The following MTMR10 variants were observed in gnomAD, a reference collection of about 807,000 sequenced individuals.
MTMR10 encodes myotubularin-related protein 10.
A neutral mutation model predicts 88.1 loss-of-function variants in MTMR10; 56 were observed. That is an observed-to-expected ratio of 0.64 (90% CI 0.51 to 0.79). The LOEUF is 0.79. Among genes scored for constraint, MTMR10 ranks in the 30% least tolerant of loss-of-function variants. The pLI is 0.00. For synonymous variants in MTMR10, 380 were observed against 340.9 expected (o/e 1.11, Z -1.26); for missense variants, 883 against 924.7 (o/e 0.95, Z 0.58).
the MTMR10 span, chr15:30,925,674 C>A: frequency 8.4e-7 from 1 of 1,190,506 alleles, no homozygotes; most frequent in South Asian, 1.4e-5. Flanking sequence ...GCTGTGTGCT[C>A]TACTAAGTGA....
chr15:30,965,610 GT>G (rs1181582664), intron 6 of MTMR10, among the ~76,000 whole-genome samples: 1 of 152,182 alleles, frequency 6.6e-6, no homozygotes, highest in Admixed American at 6.5e-5. Flanking sequence ...CATTGTTCTT[GT>G]TTGTGCTAGT....
chr15:30,976,760 T>A, intron 3 of MTMR10, 59 bp downstream of exon 3: 5 of 1,537,100 alleles, frequency 3.3e-6, no homozygotes, highest in Non-Finnish European at 4.4e-6. Context: ...TATATAATAA[T>A]ATGTACCACT....
At position 30,939,764 on chromosome 15, in the gene MTMR10, T is replaced by TGTCA. The variant is rs553035362; in HGVS notation, c.*1702_*1705dup. The TGTCA allele has an allele frequency of 4.2e-5, 41 of 985,242 alleles. No individual in the cohort carries two copies. Among genetic ancestry groups the TGTCA allele is most frequent in the Middle Eastern group, 1.0e-3 (2 of 1,914 alleles). 61.0% of individuals were successfully genotyped at this position (985,242 alleles called of 1,614,324 possible). A position where few individuals can be genotyped will look rare whatever the true frequency, so the allele number is the denominator to read the frequency against. On this transcript the variant is annotated 3_prime_UTR_variant, in exon 16 of 16. Transcript: ENST00000435680. ...GAAAAAGGGAGAATTGTGATTACAC[T>TGTCA]GTCAATGGCAGGATACGCTGTGGTG...
chr15:30,990,760 T>A lies in MTMR10; in HGVS notation c.121+17A>T. ...TACGTTGCTAAAGTATCTGTTAGAA[T>A]CCTAACTAATGTTTACCTGGCAAAA... On this transcript the variant is annotated intron_variant, in intron 2 of 15. Coordinates refer to ENST00000435680, the MANE Select transcript of MTMR10 (RefSeq NM_017762.3). 6.2e-7 allele frequency: 1 copy of A among 1,602,550 alleles called. No individual in the cohort carries two copies.
intron 2 of MTMR10, among the ~76,000 whole-genome samples, chr15:30,978,586 T>C (rs2030329540): frequency 6.6e-6 from 1 of 152,198 alleles, no homozygotes. Flanking sequence ...ACATATGCAT[T>C]AAAGAGCTAT....
chr15:30,956,224 A>G (rs575176734), intron 9 of MTMR10: 65 of 152,332 alleles, frequency 4.3e-4, no homozygotes, highest in African/African-American at 1.5e-3. Context: ...AAAATTAAAT[A>G]ACAAGAATAT....
chr15:30,966,565 T>C (rs1167088992), intron 6 of MTMR10, among the ~76,000 whole-genome samples: 1 of 152,216 alleles, frequency 6.6e-6, no homozygotes, highest in African/African-American at 2.4e-5. Context: ...GTGAGGATCT[T>C]ATTGAAGATA....
At chr15:30,931,057 TAA>T in the MTMR10 span, among the ~76,000 whole-genome samples, 2 of 152,218 alleles carry the variant, frequency 1.3e-5, no homozygotes, top group African/African-American at 2.4e-5. Flanking sequence ...TAAAATGACT[TAA>T]AGAGTATAAT....
intron 2 of MTMR10, 98 bp from the exon 3 acceptor site, chr15:30,977,053 G>A (rs1461289870): frequency 4.9e-5 from 58 of 1,178,000 alleles, no homozygotes; most frequent in Non-Finnish European, 5.2e-5. Context: ...CAAGGATGAG[G>A]ATAGTGAAAA....
chr15:30,963,446 C>T (rs942269168), intron 6 of MTMR10, among the ~76,000 whole-genome samples: 6 of 151,616 alleles, frequency 4.0e-5, no homozygotes, highest in Non-Finnish European at 5.9e-5. Flanking sequence ...TTGGCTAACA[C>T]GGTGAAACCC....
intron 1 of MTMR10, 98 bp downstream of exon 1, chr15:30,991,349 G>A (rs2031313765): frequency 6.6e-6 from 8 of 1,210,628 alleles, no homozygotes; most frequent in African/African-American, 1.6e-5. Flanking sequence ...AGGGAGACGC[G>A]CGCAGCCTCC....
chr15:30,931,619 T>A, the MTMR10 span, among the ~76,000 whole-genome samples: 1 of 152,238 alleles, frequency 6.6e-6, no homozygotes, highest in Admixed American at 6.5e-5. Context: ...GGGCATGCAC[T>A]GGAATTCATT....
the MTMR10 span, chr15:30,920,415 T>C: frequency 1.5e-6 from 1 of 654,136 alleles, no homozygotes; most frequent in Non-Finnish European, 2.6e-6. Context: ...TAGAAAATTG[T>C]ACACAACTGA....
chr15:30,958,069 T>A (rs2063351985), intron 9 of MTMR10, among the ~76,000 whole-genome samples: 2 of 152,220 alleles, frequency 1.3e-5, no homozygotes, highest in Admixed American at 6.5e-5. Context: ...ATGGAGGCCA[T>A]ATCCTTGAGT....
At chr15:30,961,142 C>G (rs367710900) in intron 6 of MTMR10, 69 bp from the exon 7 acceptor site, 3 of 1,489,108 alleles carry the variant, frequency 2.0e-6, no homozygotes, top group African/African-American at 2.8e-5. Context: ...TTCTCTGAGC[C>G]TCCTGTCACA....
At chr15:30,935,084 T>C (rs2062815818), downstream of MTMR10, among the ~76,000 whole-genome samples, 2 of 152,052 alleles carry the variant, frequency 1.3e-5, no homozygotes. Flanking sequence ...GGTGGGCGGA[T>C]TGCTTGGGCT....
At chr15:30,925,983 A>T in the MTMR10 span, 4 of 1,604,310 alleles carry the variant, frequency 2.5e-6, no homozygotes, top group Non-Finnish European at 3.4e-6. Flanking sequence ...CCCCGGGTGG[A>T]CGAGCAGCAG....
At chr15:30,930,610 G>A in the MTMR10 span, 28 of 1,612,724 alleles carry the variant, frequency 1.7e-5, 1 homozygote, top group South Asian at 9.9e-5. Context: ...GCTGACTTTC[G>A]ACACTGTCGA....
In MTMR10 at chr15:30,954,762, C is replaced by G; in HGVS notation, c.1066+1G>C. ...TATATATGAAATAAGAATGAAATTA[C>G]CATTAACGCATAGCTGCTTCAGTTT... On this transcript the variant is annotated splice_donor_variant, in intron 10 of 15. Coordinates refer to ENST00000435680, the MANE Select transcript of MTMR10 (RefSeq NM_017762.3). LOFTEE classifies it high-confidence loss of function. 2 of 1,592,772 alleles carry G rather than the reference C, an allele frequency of 1.3e-6. No individual in the cohort carries two copies. The highest frequency in any genetic ancestry group is 1.7e-6 in the Non-Finnish European group (2 of 1,171,754).
Sources: allele counts gnomAD v4.1 joint callset (sites outside exome capture counted in the v4.1 genomes callset), GRCh38; gene constraint gnomAD v4.1.1; transcripts MANE v1.5; gene names NCBI Gene and HGNC (gene_info 2026-07-23, HGNC 2026-07-21).